Variants in EXOC4 observed in about 807,000 individuals in gnomAD.
EXOC4 encodes the protein exocyst complex component 4.
In EXOC4, 71 loss-of-function variants were observed where a neutral mutation model predicts 107.2. The ratio of observed to expected loss-of-function variants is 0.66; its 90% confidence interval spans 0.55 to 0.81. The LOEUF is 0.81. EXOC4 is among the 30% of genes least tolerant of loss of function. The probability of loss-of-function intolerance (pLI) is 0.00; values close to 1 mark genes in which losing one functional copy is unlikely to be tolerated. For missense variants in EXOC4, 1,108 were observed against 1,189.6 expected (o/e 0.93, Z 1.01); for synonymous variants, 456 against 441.2 (o/e 1.03, Z -0.42).
At chr7:133,992,502 C>G (rs1794288073) in intron 14 of EXOC4, among the ~76,000 whole-genome samples, 1 of 151,882 alleles carries the variant, frequency 6.6e-6, no homozygotes, top group African/African-American at 2.4e-5. Context: ...AGGTTGGTCT[C>G]TAACGCCTGG....
At chr7:133,466,946 C>T (rs1041545651) in intron 7 of EXOC4, among the ~76,000 whole-genome samples, 1 of 152,118 alleles carries the variant, frequency 6.6e-6, no homozygotes, top group African/African-American at 2.4e-5. Flanking sequence ...GAAACATACT[C>T]AACCTAATAA....
At chr7:133,331,232 C>G (rs1344412310) in intron 5 of EXOC4, among the ~76,000 whole-genome samples, 1 of 151,922 alleles carries the variant, frequency 6.6e-6, no homozygotes, top group African/African-American at 2.4e-5. Context: ...AAGAACTGAG[C>G]AAATAATTTG....
At chr7:133,767,626 A>G (rs1367580148) in intron 10 of EXOC4, among the ~76,000 whole-genome samples, 1 of 152,000 alleles carries the variant, frequency 6.6e-6, no homozygotes. Context: ...AGTCTTTTCA[A>G]CTGCAATCTT....
chr7:134,002,098 G>A (rs1794542678), intron 15 of EXOC4, among the ~76,000 whole-genome samples: 1 of 152,172 alleles, frequency 6.6e-6, no homozygotes, highest in Non-Finnish European at 1.5e-5. Flanking sequence ...ACATTCCAGA[G>A]GAGGCTACAA....
At chr7:133,604,719 T>TC (rs1563123908) in intron 9 of EXOC4, among the ~76,000 whole-genome samples, 1 of 99,788 alleles carries the variant, frequency 1.0e-5, no homozygotes, top group Non-Finnish European at 2.1e-5. Flanking sequence ...TCTTTTTTTT[T>TC]TTTTTTTTTT....
chr7:133,797,510 A>C (rs1272849167), intron 10 of EXOC4, among the ~76,000 whole-genome samples: 1 of 152,138 alleles, frequency 6.6e-6, no homozygotes, highest in African/African-American at 2.4e-5. Flanking sequence ...AAATTCACAG[A>C]TTCTAGTTTT....
chr7:133,526,103 C>T (rs1027643269), intron 9 of EXOC4, among the ~76,000 whole-genome samples: 1 of 152,192 alleles, frequency 6.6e-6, no homozygotes, highest in Non-Finnish European at 1.5e-5. Context: ...TTCACTTATT[C>T]TGCCAGAAGA....
chr7:133,651,335 C>G (rs1803146004), intron 10 of EXOC4, among the ~76,000 whole-genome samples: 2 of 147,696 alleles, frequency 1.4e-5, no homozygotes, highest in Non-Finnish European at 3.0e-5. Context: ...GTTATATCTT[C>G]AAAAAATTAA....
At chr7:133,928,725 A>G (rs1800106744) in intron 13 of EXOC4, among the ~76,000 whole-genome samples, 1 of 152,092 alleles carries the variant, frequency 6.6e-6, no homozygotes, top group African/African-American at 2.4e-5. Context: ...AAACCTACAC[A>G]GAAGAGGCCA....
rs373414677 is a variant in EXOC4 at position 133,840,155 on chromosome 7, T to C, written c.1734+22611T>C. 5.3e-5 allele frequency among the ~76,000 whole-genome samples: 8 copies of C among 152,308 alleles called. 1 individual carries two copies. The highest frequency in any genetic ancestry group is 1.9e-4 in the African/African-American group (8 of 41,562). ...AACAAAGATATAGTGGCATACCTTA[T>C]TGAGGGGAATAGATACATTTTCATA... On this transcript the variant is annotated intron_variant, in intron 11 of 17. Transcript: ENST00000253861.
chr7:133,478,205 G>A (rs968026841), intron 8 of EXOC4, among the ~76,000 whole-genome samples: 4 of 149,066 alleles, frequency 2.7e-5, no homozygotes, highest in African/African-American at 9.9e-5. Flanking sequence ...ACAGGCTTTA[G>A]GGTTTAAAGT....
chr7:133,881,345 T>C (rs1798963577), intron 11 of EXOC4, among the ~76,000 whole-genome samples: 1 of 151,580 alleles, frequency 6.6e-6, no homozygotes, highest in African/African-American at 2.4e-5. Flanking sequence ...CCATGCTGTT[T>C]CATGTTCATA....
downstream of EXOC4, among the ~76,000 whole-genome samples, chr7:134,069,205 G>GTTCTTCTTC (rs201983674): frequency 1.4e-5 from 1 of 71,604 alleles, no homozygotes. Flanking sequence ...CCCTTTACCA[G>GTTCTTCTTC]TTCTTCTTCT....
At chr7:133,839,551 A>G (rs1797983629) in intron 11 of EXOC4, among the ~76,000 whole-genome samples, 1 of 152,190 alleles carries the variant, frequency 6.6e-6, no homozygotes, top group Non-Finnish European at 1.5e-5. Context: ...CCTACCAGTA[A>G]TAGGGAAATG....
chr7:133,411,587 A>G lies in EXOC4; in HGVS notation c.1182+36585A>G, dbSNP rs78721661. On this transcript the variant is annotated intron_variant, in intron 7 of 17. Transcript: ENST00000253861. ...CATTAGCACATTCGTACACTGGCAG[A>G]ATGCTAACTAGATGTTATCACAGAT... 6.3e-3 allele frequency among the ~76,000 whole-genome samples: 965 copies of G among 152,320 alleles called. 29 individuals carry two copies. The East Asian group carries it at 0.09, about 14-fold the overall frequency.
intron 8 of EXOC4, chr7:133,478,770 T>G (rs1799081030): frequency 6.6e-6 from 1 of 152,196 alleles, no homozygotes; most frequent in Admixed American, 6.5e-5. Context: ...AAGAGTTTAT[T>G]TATTTTTTTT....
intron 17 of EXOC4, among the ~76,000 whole-genome samples, chr7:134,037,581 C>T (rs564129507): frequency 6.6e-6 from 1 of 152,198 alleles, no homozygotes; most frequent in South Asian, 2.1e-4. Context: ...GCCATGAGAC[C>T]GGAGCAATGT....
At chr7:134,021,042 ATTGGAC>A (rs1322892874) in intron 17 of EXOC4, among the ~76,000 whole-genome samples, 1 of 152,066 alleles carries the variant, frequency 6.6e-6, no homozygotes, top group Non-Finnish European at 1.5e-5. Flanking sequence ...TCTCTTGCAG[ATTGGAC>A]TTGCCTAGAG....
chr7:133,921,285 C>T (rs1340587270), intron 13 of EXOC4, among the ~76,000 whole-genome samples: 1 of 152,142 alleles, frequency 6.6e-6, no homozygotes, highest in African/African-American at 2.4e-5. Context: ...TCTATTCAGG[C>T]CCTCAATGGA....
Sources: allele counts gnomAD v4.1 joint callset (sites outside exome capture counted in the v4.1 genomes callset), GRCh38; gene constraint gnomAD v4.1.1; transcripts MANE v1.5; gene names NCBI Gene and HGNC (gene_info 2026-07-23, HGNC 2026-07-21).